GPR39: variants seen among roughly 807,000 people sequenced by gnomAD.
GPR39 encodes the protein G protein-coupled receptor 39.
Under a neutral mutation model 18.4 loss-of-function variants are expected in GPR39, and 23 were observed. That is an observed-to-expected ratio of 1.25 (90% CI 0.90 to 1.77). The LOEUF is 1.77. GPR39 is among the 40% of genes most tolerant of loss of function. GPR39 has a pLI of 0.00. For synonymous variants in GPR39, 280 were observed against 257.9 expected (o/e 1.09, Z -0.82); for missense variants, 647 against 602.4 (o/e 1.07, Z -0.78).
At chr2:132,588,061 T>C (rs1680762936) in intron 1 of GPR39, among the ~76,000 whole-genome samples, 1 of 152,136 alleles carries the variant, frequency 6.6e-6, no homozygotes, top group Non-Finnish European at 1.5e-5. Flanking sequence ...GACATCCTAT[T>C]GCAGACTAGA....
intron 1 of GPR39, among the ~76,000 whole-genome samples, chr2:132,610,777 CA>C (rs34611787): frequency 0.42 from 37,421 of 88,262 alleles, 4,845 homozygotes; most frequent in East Asian, 0.69. Context: ...ACTCTGTCTC[CA>C]AAAAAAAAAA....
At chr2:132,499,713 C>T (rs1038941502) in intron 1 of GPR39, among the ~76,000 whole-genome samples, 3 of 151,948 alleles carry the variant, frequency 2.0e-5, no homozygotes, top group African/African-American at 7.3e-5. Flanking sequence ...GATATGTTTC[C>T]GTTTGTTTGT....
rs545660393 is a variant in GPR39 at position 132,453,519 on chromosome 2, C to T, written c.856+35621C>T. Reference sequence around the variant, plus strand: ...ATTTATCTATTTTGGCTTTTGTTGCCATTGCTTTTGGTGTTTTAGTCATGA... The same window carrying T: ...ATTTATCTATTTTGGCTTTTGTTGCTATTGCTTTTGGTGTTTTAGTCATGA... On this transcript the variant is annotated intron_variant, in intron 1 of 1. Coordinates refer to ENST00000329321, the MANE Select transcript of GPR39 (RefSeq NM_001508.3). Among the ~76,000 whole-genome samples the T allele has an allele frequency of 2.0e-5, 3 of 152,108 alleles. No homozygotes were observed. In the South Asian group the frequency reaches 6.2e-4, roughly 32 times the overall value.
chr2:132,602,871 G>GAAAA (rs56271366), intron 1 of GPR39, among the ~76,000 whole-genome samples: 61 of 137,970 alleles, frequency 4.4e-4, no homozygotes, highest in Middle Eastern at 3.8e-3. Flanking sequence ...CTTAAAAAGA[G>GAAAA]AAAAAAAAAA....
At chr2:132,456,312 T>C (rs945026779) in intron 1 of GPR39, among the ~76,000 whole-genome samples, 1 of 152,068 alleles carries the variant, frequency 6.6e-6, no homozygotes, top group Admixed American at 6.5e-5. Flanking sequence ...TGCTTTTTTT[T>C]TTTTTTTCCA....
chr2:132,503,516 T>C (rs962015650), intron 1 of GPR39, among the ~76,000 whole-genome samples: 1 of 152,196 alleles, frequency 6.6e-6, no homozygotes, highest in Admixed American at 6.5e-5. Flanking sequence ...TTGGTTGTTT[T>C]ATTTAGTGCA....
intron 1 of GPR39, among the ~76,000 whole-genome samples, chr2:132,473,863 G>A (rs1203399513): frequency 6.6e-6 from 1 of 152,206 alleles, no homozygotes; most frequent in Non-Finnish European, 1.5e-5. Context: ...AGGCAGAAAA[G>A]AGGGGTAGTT....
chr2:132,418,005 A>C, intron 1 of GPR39, 107 bp downstream of exon 1: 1 of 1,382,584 alleles, frequency 7.2e-7, no homozygotes. Flanking sequence ...CTAGAATTGC[A>C]CACTTAAGTT....
intron 1 of GPR39, among the ~76,000 whole-genome samples, chr2:132,517,600 C>T (rs1270069847): frequency 2.0e-4 from 30 of 152,178 alleles, no homozygotes; most frequent in Non-Finnish European, 1.5e-5. Context: ...GAGAATGACT[C>T]AGCTCAAAGG....
chr2:132,417,816 C>G lies in GPR39; in HGVS notation c.774C>G (p.Ala258=). 6.2e-7 allele frequency: 1 copy of G among 1,613,854 alleles called. No homozygotes were observed. Among genetic ancestry groups the G allele is most frequent in the Non-Finnish European group, 8.5e-7 (1 of 1,180,016 alleles). Residue 258 remains alanine, a synonymous_variant, in exon 1 of 2, where the codon GCC becomes GCG. Coordinates refer to ENST00000329321, the MANE Select transcript of GPR39 (RefSeq NM_001508.3). Reference sequence around the variant, plus strand: ...TGAAAAGCCAGAAGGGCTCGCTGGCCGGGGGCACGCGGCCTCCGCAGCTGA... The same window carrying G: ...TGAAAAGCCAGAAGGGCTCGCTGGCGGGGGGCACGCGGCCTCCGCAGCTGA... ...VLMKSQKGSL[A]GGTRPPQLRK... is the part of the protein sequence containing the mutation.
At chr2:132,531,905 A>C (rs1214312823) in intron 1 of GPR39, among the ~76,000 whole-genome samples, 2 of 152,148 alleles carry the variant, frequency 1.3e-5, no homozygotes, top group Non-Finnish European at 2.9e-5. Context: ...CAGGAAAGAT[A>C]TAAAATTGAC....
chr2:132,466,283 A>T (rs1368226508), intron 1 of GPR39, among the ~76,000 whole-genome samples: 1 of 152,226 alleles, frequency 6.6e-6, no homozygotes, highest in Non-Finnish European at 1.5e-5. Flanking sequence ...TTTCATCCAG[A>T]ATCATTTTCT....
At chr2:132,472,113 C>T (rs1681043340) in intron 1 of GPR39, among the ~76,000 whole-genome samples, 1 of 152,060 alleles carries the variant, frequency 6.6e-6, no homozygotes, top group Admixed American at 6.6e-5. Flanking sequence ...GAGCAGGAGC[C>T]CATGATGTTT....
At chr2:132,567,667 C>T (rs10173121) in intron 1 of GPR39, among the ~76,000 whole-genome samples, 1,917 of 152,252 alleles carry the variant, frequency 0.013, 48 homozygotes, top group African/African-American at 0.044. Flanking sequence ...ACCAGCAGAA[C>T]CTGGAACTTT....
intron 1 of GPR39, among the ~76,000 whole-genome samples, chr2:132,525,963 T>C (rs138349414): frequency 1.1e-4 from 16 of 152,268 alleles, no homozygotes; most frequent in African/African-American, 3.8e-4. Flanking sequence ...GCAACCTCCT[T>C]CGTGACATCA....
chr2:132,637,405 T>C (rs1681781707), intron 1 of GPR39, among the ~76,000 whole-genome samples: 1 of 152,226 alleles, frequency 6.6e-6, no homozygotes, highest in African/African-American at 2.4e-5. Context: ...GGAGTTGCAC[T>C]GGGGAGAGAG....
chr2:132,630,201 A>C (rs553886144), intron 1 of GPR39, among the ~76,000 whole-genome samples: 1 of 152,304 alleles, frequency 6.6e-6, no homozygotes, highest in South Asian at 2.1e-4. Flanking sequence ...AGTTCTGGCT[A>C]ATTATGTCCA....
At chr2:132,546,126 G>A (rs973435593) in intron 1 of GPR39, among the ~76,000 whole-genome samples, 8 of 152,182 alleles carry the variant, frequency 5.3e-5, no homozygotes, top group African/African-American at 1.9e-4. Context: ...GTTAAGAGTT[G>A]GTGAGTGGAG....
At chr2:132,555,724 G>C (rs1008507304) in intron 1 of GPR39, among the ~76,000 whole-genome samples, 3 of 152,092 alleles carry the variant, frequency 2.0e-5, no homozygotes, top group Admixed American at 6.6e-5. Context: ...GAATACCAGG[G>C]CTAGCCCTGG....
Sources: gnomAD v4.1 joint callset for allele counts (sites outside exome capture counted in the v4.1 genomes callset) on GRCh38, gnomAD v4.1.1 for gene constraint, MANE v1.5 for transcripts, NCBI Gene and HGNC (gene_info 2026-07-23, HGNC 2026-07-21) for gene names.